Variants in ETNK1 observed in about 807,000 individuals in gnomAD.
ETNK1 encodes the protein putative protein product of Nbla10396.
ETNK1 carries 8 observed loss-of-function variants against 45.1 expected under a neutral mutation model. That is an observed-to-expected ratio of 0.18 (90% CI 0.10 to 0.32). The LOEUF is 0.32. Among genes scored for constraint, ETNK1 ranks in the 10% least tolerant of loss-of-function variants. The probability of loss-of-function intolerance (pLI) is 1.00; values close to 1 mark genes in which losing one functional copy is unlikely to be tolerated. For missense variants in ETNK1, 302 were observed against 430.6 expected (o/e 0.70, Z 2.64); for synonymous variants, 152 against 151.9 (o/e 1.00, Z -0.01).
chr12:22,683,606 G>A (rs1443035185), intron 6 of ETNK1, among the ~76,000 whole-genome samples: 2 of 152,134 alleles, frequency 1.3e-5, no homozygotes, highest in Non-Finnish European at 2.9e-5. Context: ...CAGAGATAGA[G>A]CCTGGACTGG....
At chr12:22,637,755 T>C (rs1953673872) in intron 1 of ETNK1, among the ~76,000 whole-genome samples, 1 of 152,166 alleles carries the variant, frequency 6.6e-6, no homozygotes, top group Non-Finnish European at 1.5e-5. Flanking sequence ...GTATATCTCA[T>C]TTTGGGGTTT....
intron 5 of ETNK1, among the ~76,000 whole-genome samples, chr12:22,672,119 TA>T (rs1193487233): frequency 6.6e-6 from 1 of 152,070 alleles, no homozygotes; most frequent in African/African-American, 2.4e-5. Flanking sequence ...ATTAGTTCAC[TA>T]AAAAGTTCAA....
At chr12:22,684,758 A>G (rs1954245034) in intron 7 of ETNK1, 124 bp from the exon 8 acceptor site, 1 of 841,656 alleles carries the variant, frequency 1.2e-6, no homozygotes, top group Non-Finnish European at 1.8e-6. Flanking sequence ...GCAATAAACT[A>G]AAAATATGTC....
chr12:22,666,846 C>CA (rs1387205487), intron 4 of ETNK1, among the ~76,000 whole-genome samples: 1 of 152,108 alleles, frequency 6.6e-6, no homozygotes, highest in Non-Finnish European at 1.5e-5. Flanking sequence ...TCCCCATAGT[C>CA]ACTTGTTTGG....
chr12:22,663,555 G>A (rs1954027599), intron 4 of ETNK1, among the ~76,000 whole-genome samples: 1 of 151,344 alleles, frequency 6.6e-6, no homozygotes, highest in Non-Finnish European at 1.5e-5. Context: ...TTATTTAAGT[G>A]GTCACTTATC....
chr12:22,672,429 A>G (rs543892953), intron 5 of ETNK1, among the ~76,000 whole-genome samples: 21 of 152,234 alleles, frequency 1.4e-4, no homozygotes, highest in African/African-American at 5.1e-4. Context: ...ATACTCTGGG[A>G]AAAAATTTTA....
In ETNK1 at chr12:22,662,533, TA is replaced by T. The variant is rs556653999; in HGVS notation, c.700+1329del. ...CCCCAGTCCCCTGAGTAGCTGGGAC[TA>T]CAGGTACATGCCATCATACCTGACT... On this transcript the variant is annotated intron_variant, in intron 4 of 7. Transcript: ENST00000266517. 2.4e-4 allele frequency among the ~76,000 whole-genome samples: 36 copies of T among 152,150 alleles called. No individual in the cohort carries two copies. The South Asian group carries it at 7.3e-3, about 31-fold the overall frequency.
intron 6 of ETNK1, among the ~76,000 whole-genome samples, chr12:22,681,034 A>G (rs1039482270): frequency 3.3e-5 from 5 of 152,126 alleles, no homozygotes; most frequent in African/African-American, 1.2e-4. Context: ...TTACATATCC[A>G]TAACTTCCAA....
At chr12:22,679,844 G>T (rs767620388) in intron 6 of ETNK1, among the ~76,000 whole-genome samples, 1 of 151,754 alleles carries the variant, frequency 6.6e-6, no homozygotes, top group African/African-American at 2.4e-5. Flanking sequence ...GGCGTTTGCC[G>T]CCACACCCAG....
At chr12:22,657,574 C>A (rs946549619) in intron 2 of ETNK1, among the ~76,000 whole-genome samples, 1 of 150,704 alleles carries the variant, frequency 6.6e-6, no homozygotes, top group Non-Finnish European at 1.5e-5. Context: ...TTTCTCTAAC[C>A]GGTTTAACCA....
intron 2 of ETNK1, among the ~76,000 whole-genome samples, chr12:22,655,014 G>A (rs1326025661): frequency 1.3e-5 from 2 of 152,156 alleles, no homozygotes; most frequent in African/African-American, 2.4e-5. Flanking sequence ...TGTTACCCAC[G>A]TTGGAGTACA....
intron 1 of ETNK1, among the ~76,000 whole-genome samples, chr12:22,627,417 G>A (rs768939409): frequency 1.3e-5 from 2 of 152,152 alleles, no homozygotes; most frequent in Non-Finnish European, 2.9e-5. Flanking sequence ...TCCCTAAGAT[G>A]ATTATTAGTT....
intron 6 of ETNK1, among the ~76,000 whole-genome samples, chr12:22,679,881 G>A (rs947826444): frequency 1.3e-5 from 2 of 151,914 alleles, no homozygotes; most frequent in Non-Finnish European, 1.5e-5. Flanking sequence ...TGGTAAAGAC[G>A]GGGTTTCACC....
intron 1 of ETNK1, among the ~76,000 whole-genome samples, chr12:22,641,296 C>G (rs1418514877): frequency 1.3e-5 from 2 of 152,128 alleles, no homozygotes; most frequent in Non-Finnish European, 2.9e-5. Flanking sequence ...TTATGGGCAT[C>G]TTAATCGTAC....
intron 1 of ETNK1, among the ~76,000 whole-genome samples, chr12:22,626,387 T>TA (rs1309933787): frequency 6.6e-6 from 1 of 151,992 alleles, no homozygotes; most frequent in Non-Finnish European, 1.5e-5. Flanking sequence ...AGGAACTAGA[T>TA]ACAAAAATAG....
At chr12:22,655,346 T>G (rs12317683) in intron 2 of ETNK1, among the ~76,000 whole-genome samples, 7,109 of 149,134 alleles carry the variant, frequency 0.048, 620 homozygotes, top group African/African-American at 0.16. Context: ...TTTTTTTTTT[T>G]TTTTTTCGAG....
In ETNK1 at chr12:22,680,903, C is replaced by T. The variant is rs868401766; in HGVS notation, c.946-3580C>T. On this transcript the variant is annotated intron_variant, in intron 6 of 7. Coordinates refer to ENST00000266517, the MANE Select transcript of ETNK1 (RefSeq NM_018638.5). ...TGGAGCTTTTCTTCCCCCGCCCCCC[C>T]CTCCATTATATGCACACTGGGGATT... Among the ~76,000 whole-genome samples, 108 of 130,590 alleles carry T rather than the reference C, an allele frequency of 8.3e-4. 2 individuals are homozygous for T. The highest frequency in any genetic ancestry group is 2.8e-3 in the African/African-American group (103 of 36,552). 85.7% of individuals were successfully genotyped at this position (130,590 alleles called of 152,430 possible). A position where few individuals can be genotyped will look rare whatever the true frequency, so the allele number is the denominator to read the frequency against.
At position 22,665,184 on chromosome 12, in the gene ETNK1, G is replaced by A. The variant is rs79579808; in HGVS notation, c.700+3979G>A. 3.0e-4 allele frequency among the ~76,000 whole-genome samples: 46 copies of A among 152,120 alleles called. 1 individual carries two copies. In the East Asian group the frequency reaches 4.4e-3, roughly 15 times the overall value. On this transcript the variant is annotated intron_variant, in intron 4 of 7. Coordinates refer to ENST00000266517, the MANE Select transcript of ETNK1 (RefSeq NM_018638.5). ...AGAAATAAGTAGTATTAGACATATC[G>A]TTTTATCTCTTTATGTCTTTATGTA...
chr12:22,679,781 A>G (rs550209170), intron 6 of ETNK1, among the ~76,000 whole-genome samples: 4 of 150,578 alleles, frequency 2.7e-5, no homozygotes, highest in African/African-American at 9.8e-5. Context: ...GCTCACTGCA[A>G]CCTCTGCCTC....
Sources: allele counts gnomAD v4.1 joint callset (sites outside exome capture counted in the v4.1 genomes callset), GRCh38; gene constraint gnomAD v4.1.1; transcripts MANE v1.5; gene names NCBI Gene and HGNC (gene_info 2026-07-23, HGNC 2026-07-21).